Variants in RORA observed in about 807,000 individuals in gnomAD.
The protein encoded by RORA is RAR related orphan receptor A.
A neutral mutation model predicts 69.5 loss-of-function variants in RORA; 7 were observed. The ratio of observed to expected loss-of-function variants is 0.10; its 90% CI spans 0.06 to 0.19. RORA has a LOEUF of 0.19. Among genes scored for constraint, RORA ranks in the 10% least tolerant of loss-of-function variants. The probability of loss-of-function intolerance (pLI) is 1.00; values close to 1 mark genes in which losing one functional copy is unlikely to be tolerated. For missense variants in RORA, 457 were observed against 663.0 expected (o/e 0.69, Z 3.41); for synonymous variants, 261 against 240.8 (o/e 1.08, Z -0.78).
At chr15:61,124,044 G>A (rs2079123875) in intron 1 of RORA, among the ~76,000 whole-genome samples, 1 of 152,168 alleles carries the variant, frequency 6.6e-6, no homozygotes, top group Admixed American at 6.5e-5. Context: ...CTGGAGGCCT[G>A]TGAGAAGGTT....
At chr15:60,510,328 G>T (rs983807125) in intron 5 of RORA, 1 of 152,140 alleles carries the variant, frequency 6.6e-6, no homozygotes, top group Non-Finnish European at 1.5e-5. Flanking sequence ...CTTAAAAATC[G>T]ATTAAATATA....
chr15:60,889,288 A>G lies in RORA; in HGVS notation c.167-210602T>C, dbSNP rs948209161. Among the ~76,000 whole-genome samples the G allele has an allele frequency of 2.0e-5, 3 of 148,816 alleles. No homozygotes were observed. In the Admixed American group the frequency reaches 2.0e-4, roughly 10 times the overall value. On this transcript the variant is annotated intron_variant, in intron 1 of 10. Coordinates refer to ENST00000335670, the MANE Select transcript of RORA (RefSeq NM_134261.3). ...CTTGTGCAGGGACTGACATCTAGGC[A>G]AGCTTCCTTTTGCAGAAGAGGAAAC...
At chr15:61,044,673 T>C (rs908389783) in intron 1 of RORA, among the ~76,000 whole-genome samples, 3 of 152,212 alleles carry the variant, frequency 2.0e-5, no homozygotes, top group African/African-American at 7.2e-5. Context: ...TCTGTGCTTA[T>C]CATATATACG....
At chr15:60,789,228 G>A (rs1293157627) in intron 1 of RORA, among the ~76,000 whole-genome samples, 1 of 152,178 alleles carries the variant, frequency 6.6e-6, no homozygotes, top group East Asian at 1.9e-4. Context: ...GTGTTCCCAA[G>A]GAACACAGCC....
intron 1 of RORA, among the ~76,000 whole-genome samples, chr15:61,224,202 T>A (rs1359280981): frequency 6.6e-6 from 1 of 152,220 alleles, no homozygotes; most frequent in Non-Finnish European, 1.5e-5. Flanking sequence ...TAATCTGGGA[T>A]GAATGGGACA....
rs1475342074 is a variant in RORA, at chr15:61,213,284, T to A, written c.166+15769A>T. ...CTTCCACTCCCAACCCTCACCCCAG[T>A]CTTGGCCTTCAATATCAGTCACCAG... On this transcript the variant is annotated intron_variant, in intron 1 of 10. Transcript: ENST00000335670. This position sits in a 1 kb window ranked among gnomAD's most constrained non-coding sequence, Gnocchi z 4.1. 6.6e-6 allele frequency among the ~76,000 whole-genome samples: 1 copy of A among 152,136 alleles called. No individual in the cohort carries two copies. Among genetic ancestry groups the A allele is most frequent in the East Asian group, 1.9e-4 (1 of 5,200 alleles).
At chr15:60,931,591 T>C (rs2140500634) in intron 1 of RORA, among the ~76,000 whole-genome samples, 1 of 152,358 alleles carries the variant, frequency 6.6e-6, no homozygotes, top group Non-Finnish European at 1.5e-5. Flanking sequence ...GTTGCATGGC[T>C]GATGCCAAGA....
chr15:60,839,482 A>C (rs141410733), intron 1 of RORA, among the ~76,000 whole-genome samples: 1 of 152,348 alleles, frequency 6.6e-6, no homozygotes, highest in East Asian at 1.9e-4. Flanking sequence ...GGAAGCTCAG[A>C]GTGATTAAAT....
At chr15:61,189,888 G>A (rs1207412765) in intron 1 of RORA, among the ~76,000 whole-genome samples, 204 of 100,064 alleles carry the variant, frequency 2.0e-3, no homozygotes, top group Admixed American at 3.7e-3. Context: ...AAAAACCACA[G>A]ATATCCATCA....
chr15:60,636,996 G>C (rs1372966064), intron 2 of RORA, among the ~76,000 whole-genome samples: 1 of 152,016 alleles, frequency 6.6e-6, no homozygotes, highest in Non-Finnish European at 1.5e-5. Flanking sequence ...GACATTCAGA[G>C]TGTTTAGAAT....
intron 1 of RORA, among the ~76,000 whole-genome samples, chr15:61,120,998 C>T (rs2079098087): frequency 6.6e-6 from 1 of 151,848 alleles, no homozygotes; most frequent in Non-Finnish European, 1.5e-5. Flanking sequence ...CAGGCGCCTG[C>T]CACCACACCC....
chr15:60,980,050 C>T (rs1345262980), intron 1 of RORA, among the ~76,000 whole-genome samples: 3 of 152,066 alleles, frequency 2.0e-5, no homozygotes, highest in African/African-American at 7.2e-5. Flanking sequence ...TAGGAAGTTC[C>T]CTTCTATTTC....
At chr15:60,720,279 C>T (rs2071276093) in intron 1 of RORA, among the ~76,000 whole-genome samples, 1 of 152,150 alleles carries the variant, frequency 6.6e-6, no homozygotes, top group South Asian at 2.1e-4. Flanking sequence ...TAGCCTGATG[C>T]CTCCATTCAC....
At chr15:61,021,181 G>A (rs890031568) in intron 1 of RORA, among the ~76,000 whole-genome samples, 4 of 152,118 alleles carry the variant, frequency 2.6e-5, no homozygotes, top group African/African-American at 9.7e-5. Flanking sequence ...CCTCCTCAAC[G>A]CCCCCTCTCT....
intron 1 of RORA, among the ~76,000 whole-genome samples, chr15:60,971,575 T>G (rs1490273360): frequency 1.3e-5 from 2 of 152,192 alleles, no homozygotes; most frequent in African/African-American, 4.8e-5. Flanking sequence ...CTCACTCCAT[T>G]GCAATCCTTA....
chr15:60,561,672 A>G lies in RORA; in HGVS notation c.197-29821T>C, dbSNP rs115496003. On this transcript the variant is annotated intron_variant, in intron 2 of 10. Transcript: ENST00000335670. The stretch of plus-strand genomic sequence containing the variant: ...ACATTTTGTTAAAGGGTCAAGAACT[A>G]TAGAAGGAAAGTACATCTCAATCCA... 4.2e-3 allele frequency among the ~76,000 whole-genome samples: 647 copies of G among 152,268 alleles called. 7 individuals are homozygous for G. The highest frequency in any genetic ancestry group is 0.015 in the African/African-American group (607 of 41,550).
At chr15:60,955,295 C>T (rs940803801) in intron 1 of RORA, among the ~76,000 whole-genome samples, 2 of 152,126 alleles carry the variant, frequency 1.3e-5, no homozygotes, top group African/African-American at 4.8e-5. Context: ...GAGCAAGACT[C>T]CATCTCAAAA....
intron 1 of RORA, among the ~76,000 whole-genome samples, chr15:61,071,848 C>T (rs1206033623): frequency 2.0e-5 from 3 of 151,904 alleles, no homozygotes; most frequent in African/African-American, 7.3e-5. Flanking sequence ...AATAACATTC[C>T]TGGAGATTTG....
intron 1 of RORA, among the ~76,000 whole-genome samples, chr15:61,187,093 G>A (rs532780830): frequency 1.3e-5 from 2 of 152,356 alleles, no homozygotes; most frequent in African/African-American, 4.8e-5. Flanking sequence ...TGACAAAGAT[G>A]AAGTGCTTCT....
Sources: gnomAD v4.1 joint callset for allele counts (sites outside exome capture counted in the v4.1 genomes callset) on GRCh38, gnomAD v4.1.1 for gene constraint, Gnocchi (gnomAD v3.1) non-coding constraint, MANE v1.5 for transcripts, NCBI Gene and HGNC (gene_info 2026-07-23, HGNC 2026-07-21) for gene names.